The following STARD9 variants were observed in gnomAD, a reference collection of about 807,000 sequenced individuals.
STARD9 encodes StAR related lipid transfer domain containing 9.
Under a neutral mutation model 399.8 loss-of-function variants are expected in STARD9, and 346 were observed. The observed-to-expected ratio is 0.87, with a 90% CI of 0.79 to 0.95. STARD9 has a LOEUF of 0.95. STARD9 is among the 40% of genes least tolerant of loss of function. The pLI is 0.00. For synonymous variants in STARD9, 2,203 were observed against 2,143.5 expected (o/e 1.03, Z -0.77); for missense variants, 5,832 against 5,667.5 (o/e 1.03, Z -0.93).
At chr15:42,682,756 G>A (rs926009266) in intron 22 of STARD9, among the ~76,000 whole-genome samples, 181 bp downstream of exon 22, 4 of 152,010 alleles carry the variant, frequency 2.6e-5, no homozygotes, top group Non-Finnish European at 4.4e-5. Flanking sequence ...TGTGTATATC[G>A]TTTTAGATTC....
In STARD9 at chr15:42,689,627, G is replaced by T. The variant is rs2060642422; in HGVS notation, c.8049G>T (p.Arg2683Ser). Residue 2683 changes from arginine (R) to serine (S), a missense_variant, in exon 23 of 33, where the codon AGG (arginine) becomes AGT (serine). Arg to Ser is a moderately radical substitution (Grantham distance 110). Transcript: ENST00000290607. ...GGAAACGTCGTACTGGAGAACTGAGGCAGTTCGCGGGAGCAAGTGAACCAT... is the reference window on the plus strand; with the variant it reads ...GGAAACGTCGTACTGGAGAACTGAGTCAGTTCGCGGGAGCAAGTGAACCAT... Reference protein sequence around the residue: ...QDRKRRTGELRQFAGASEPFI... With the variant: ...QDRKRRTGELSQFAGASEPFI... 1 of 1,537,430 alleles carries T rather than the reference G, an allele frequency of 6.5e-7. No homozygotes were observed. The highest frequency in any genetic ancestry group is 1.2e-5 in the South Asian group (1 of 84,062).
chr15:42,578,917 T>C (rs572903751), intron 1 of STARD9, among the ~76,000 whole-genome samples: 2 of 152,334 alleles, frequency 1.3e-5, no homozygotes, highest in African/African-American at 4.8e-5. Context: ...ACAGGGTCTT[T>C]TCATAGTTCA....
chr15:42,656,365 A>AAAGATGTTG (rs2059872590), intron 9 of STARD9, among the ~76,000 whole-genome samples: 1 of 145,674 alleles, frequency 6.9e-6, no homozygotes, highest in Non-Finnish European at 1.5e-5. Context: ...AAAAAAAAAA[A>AAAGATGTTG]AAGATGTTGC....
intron 4 of STARD9, among the ~76,000 whole-genome samples, chr15:42,635,276 T>A (rs993427623): frequency 4.1e-5 from 6 of 145,806 alleles, no homozygotes; most frequent in East Asian, 2.1e-4. Flanking sequence ...AAAAAAAAAA[T>A]GAGTTTTTCA....
Position 42,693,860 on chromosome 15 carries a change from T to A in STARD9, c.12282T>A (p.Thr4094=). The part of the protein sequence containing the change: ...HLSPCPVSEL[T]DTAGLRGSAL... Reference sequence around the variant, plus strand: ...GCCCCTGCCCTGTCTCTGAGTTGACTGATACTGCAGGGCTCCGAGGTTCTG... The same window carrying A: ...GCCCCTGCCCTGTCTCTGAGTTGACAGATACTGCAGGGCTCCGAGGTTCTG... Residue 4094 remains threonine (T), a synonymous_variant, in exon 23 of 33, where the codon ACT becomes ACA. Coordinates refer to ENST00000290607, the MANE Select transcript of STARD9 (RefSeq NM_020759.3). The A allele has an allele frequency of 6.5e-7, 1 of 1,536,718 alleles. No individual in the cohort carries two copies. The highest frequency in any genetic ancestry group is 8.7e-7 in the Non-Finnish European group (1 of 1,146,662).
intron 26 of STARD9, among the ~76,000 whole-genome samples, chr15:42,703,639 C>T (rs1159170515): frequency 6.6e-6 from 1 of 151,634 alleles, no homozygotes. Flanking sequence ...TCCCAAAATA[C>T]TAGGATTACA....
chr15:42,685,383 C>T lies in STARD9; in HGVS notation c.3805C>T (p.Leu1269=). ...YRTAARLDAV[L]PMSSSFYLDP... ...AACAGCAGCTAGGCTGGATGCCGTC[C>T]TGCCAATGAGCAGTTCGTTTTACCT... The change falls in exon 23 of 33, where the codon CTG becomes TTG. Residue 1269 remains leucine (L), a synonymous_variant. Coordinates refer to ENST00000290607, the MANE Select transcript of STARD9 (RefSeq NM_020759.3). The T allele has an allele frequency of 6.5e-7, 1 of 1,537,010 alleles. No individual in the cohort carries two copies. Among genetic ancestry groups the T allele is most frequent in the Non-Finnish European group, 8.7e-7 (1 of 1,146,910 alleles).
At chr15:42,716,576 T>C in intron 26 of STARD9, 101 bp from the exon 27 acceptor site, 1 of 743,100 alleles carries the variant, frequency 1.3e-6, no homozygotes, top group Non-Finnish European at 2.3e-6. Context: ...ACCTTTGCAG[T>C]TGAGTCATCC....
chr15:42,578,151 C>T (rs1395224540), intron 1 of STARD9, among the ~76,000 whole-genome samples: 1 of 151,548 alleles, frequency 6.6e-6, no homozygotes, highest in Non-Finnish European at 1.5e-5. Context: ...CACTCTGTCA[C>T]CCAGGCTGGA....
At position 42,694,288 on chromosome 15, in the gene STARD9, A is replaced by C. The variant is rs552627365; in HGVS notation, c.12710A>C (p.Glu4237Ala). 10 of 1,518,252 alleles carry C rather than the reference A, an allele frequency of 6.6e-6. No individual in the cohort carries two copies. In the South Asian group the frequency reaches 1.2e-4, roughly 19 times the overall value. 94.0% of individuals were successfully genotyped at this position (1,518,252 alleles called of 1,614,324 possible). A position where few individuals can be genotyped will look rare whatever the true frequency, so the allele number is the denominator to read the frequency against. The change falls in exon 23 of 33, where the codon GAG becomes GCG. Residue 4237 changes from glutamate (E) to alanine (A), a missense_variant. By Grantham distance (107) the Glu-to-Ala change is moderately radical. Coordinates refer to ENST00000290607, the MANE Select transcript of STARD9 (RefSeq NM_020759.3). ...CAGGTGCTGCAGAGTGGGACAGGGG[A>C]GGCGCTTGCTGCTGATGAACCTGTG... ...LLQVLQSGTG[E>A]ALAADEPVTS...
intron 2 of STARD9, among the ~76,000 whole-genome samples, chr15:42,584,945 C>T (rs1225260152): frequency 5.3e-5 from 8 of 152,100 alleles, no homozygotes; most frequent in South Asian, 2.1e-4. Flanking sequence ...GCTGACATGA[C>T]GCCATGAGTG....
Position 42,674,904 on chromosome 15 carries a change from C to A in STARD9, c.1627C>A (p.Arg543Ser). The change falls in exon 18 of 33, where the codon CGT becomes AGT. Residue 543 changes from arginine to serine, a missense_variant. Physicochemically the swap from Arg to Ser is moderately radical, Grantham distance 110. This residue lies in a region of STARD9 where 5,828 missense variants were observed against 5,651.1 expected (regional missense o/e 1.03). Coordinates refer to ENST00000290607, the MANE Select transcript of STARD9 (RefSeq NM_020759.3). ...ACGVVVLRPA[R>S]GARCTVNGRE... The stretch of plus-strand genomic sequence containing the variant: ...TGGTGTAGTTGTTCTACGACCTGCC[C>A]GTGGGGCCCGCTGTACAGTCAATGG... 2 of 1,537,018 alleles carry A rather than the reference C, an allele frequency of 1.3e-6. No homozygotes were observed. Among genetic ancestry groups the A allele is most frequent in the East Asian group, 2.4e-5 (1 of 40,912 alleles).
chr15:42,676,827 A>G (rs2060320697), intron 20 of STARD9, among the ~76,000 whole-genome samples: 2 of 152,166 alleles, frequency 1.3e-5, no homozygotes, highest in South Asian at 2.1e-4. Context: ...GGGTCTCAGT[A>G]GTTATGATGG....
chr15:42,689,196 G>A lies in STARD9; in HGVS notation c.7618G>A (p.Glu2540Lys). 1 of 1,537,262 alleles carries A rather than the reference G, an allele frequency of 6.5e-7. No individual in the cohort carries two copies. Residue 2540 changes from glutamate (E) to lysine (K), a missense_variant, in exon 23 of 33, where the codon GAG becomes AAG. Physicochemically the swap from Glu to Lys is moderately conservative, Grantham distance 56. Coordinates refer to ENST00000290607, the MANE Select transcript of STARD9 (RefSeq NM_020759.3). The stretch of plus-strand genomic sequence containing the variant: ...GCCCAGTCCAGAGCCTAGGCTGTTG[G>A]AGCCCTCTGACCATGCATCCATGTG... ...RVPSPEPRLLEPSDHASMCLA... is the reference protein window; with the variant it reads ...RVPSPEPRLLKPSDHASMCLA...
chr15:42,628,491 A>G (rs756077457), intron 3 of STARD9, among the ~76,000 whole-genome samples: 7 of 152,186 alleles, frequency 4.6e-5, no homozygotes, highest in Non-Finnish European at 1.0e-4. Flanking sequence ...GTATTATTCA[A>G]GAAATCTATG....
rs535004528 is a variant in STARD9, at chr15:42,684,886, C to T, written c.3308C>T (p.Thr1103Ile). 2.7e-5 allele frequency: 41 copies of T among 1,537,104 alleles called. No individual in the cohort carries two copies. Among genetic ancestry groups the T allele is most frequent in the Non-Finnish European group, 3.6e-5 (41 of 1,146,922 alleles). Residue 1103 changes from threonine to isoleucine, a missense_variant, in exon 23 of 33, where the codon ACA becomes ATA. Transcript: ENST00000290607. ...GAAAAAGACAATGATTTATCTGACA[C>T]AGATAGCAACTACTCATTGGATTCT... ...SREKDNDLSD[T>I]DSNYSLDSLS...
At chr15:42,643,827 T>C (rs2059592313) in intron 7 of STARD9, among the ~76,000 whole-genome samples, 1 of 152,220 alleles carries the variant, frequency 6.6e-6, no homozygotes. Flanking sequence ...GCACCAGTTT[T>C]AATGTGTAGT....
At chr15:42,671,458 C>T (rs951281064) in intron 16 of STARD9, 1 of 152,108 alleles carries the variant, frequency 6.6e-6, no homozygotes, top group African/African-American at 2.4e-5. Flanking sequence ...TGCTCCTGTA[C>T]CCTTTCTCCT....
intron 3 of STARD9, among the ~76,000 whole-genome samples, chr15:42,592,659 G>C (rs897381652): frequency 2.0e-5 from 3 of 152,010 alleles, no homozygotes; most frequent in Non-Finnish European, 4.4e-5. Flanking sequence ...GGCCAGGCTC[G>C]TCTCGAACTC....
Sources: gnomAD v4.1 joint callset for allele counts (sites outside exome capture counted in the v4.1 genomes callset) on GRCh38, gnomAD v4.1.1 for gene constraint, gnomAD v4.1.1 regional missense constraint, MANE v1.5 for transcripts, NCBI Gene and HGNC (gene_info 2026-07-23, HGNC 2026-07-21) for gene names.